The following RLF variants were observed in gnomAD, a reference collection of about 807,000 sequenced individuals.
The protein encoded by RLF is zinc finger protein Rlf.
RLF carries 7 observed loss-of-function variants against 162.9 expected under a neutral mutation model. The ratio of observed to expected loss-of-function variants is 0.04; its 90% CI spans 0.02 to 0.08. The LOEUF (loss-of-function observed/expected upper bound fraction) is 0.08. RLF is among the 10% of genes least tolerant of loss of function. The pLI, the probability that RLF is intolerant of heterozygous loss-of-function variation, is 1.00. For missense variants in RLF, 1,664 were observed against 2,244.7 expected (o/e 0.74, Z 5.23); for synonymous variants, 782 against 791.5 (o/e 0.99, Z 0.20).
In RLF at chr1:40,238,454, G is replaced by T; in HGVS notation, c.3752G>T (p.Cys1251Phe). The change falls in exon 8 of 8, where the codon TGT becomes TTT. Residue 1251 changes from cysteine to phenylalanine, a missense_variant. Physicochemically the swap from Cys to Phe is radical, Grantham distance 205. Transcript: ENST00000372771. The surrounding 1 kb of genome is among the most constrained non-coding windows in gnomAD (Gnocchi z 5.2). ...CACTGTCATCCTAAAAAGGATGAAT[G>T]TAGTTCTGAAACAGATTTGGAATCA... ...KPHCHPKKDE[C>F]SSETDLESSC... 1 of 1,614,124 alleles carries T rather than the reference G, an allele frequency of 6.2e-7. No individual in the cohort carries two copies. The highest frequency in any genetic ancestry group is 8.5e-7 in the Non-Finnish European group (1 of 1,179,994).
chr1:40,173,836 T>G (rs1015387834), intron 1 of RLF, among the ~76,000 whole-genome samples: 2 of 152,220 alleles, frequency 1.3e-5, no homozygotes, highest in Non-Finnish European at 2.9e-5. Context: ...CTTGAGATTT[T>G]AGGTCTCTTT....
intron 5 of RLF, among the ~76,000 whole-genome samples, chr1:40,219,648 A>G (rs1411623186): frequency 2.0e-5 from 3 of 152,238 alleles, no homozygotes; most frequent in East Asian, 1.9e-4. Flanking sequence ...GAAGTAAAAC[A>G]GTCAAGTTAA....
chr1:40,191,363 C>T (rs1406729141), intron 3 of RLF, among the ~76,000 whole-genome samples: 3 of 152,078 alleles, frequency 2.0e-5, no homozygotes, highest in South Asian at 2.1e-4. Flanking sequence ...CATGCCGAAA[C>T]CCTGTCTCTA....
intron 4 of RLF, among the ~76,000 whole-genome samples, chr1:40,201,314 G>C (rs954249200): frequency 6.6e-6 from 1 of 151,632 alleles, no homozygotes; most frequent in African/African-American, 2.4e-5. Flanking sequence ...CATACTTGTT[G>C]GATATTTACT....
At chr1:40,219,399 T>C (rs889982810) in intron 5 of RLF, among the ~76,000 whole-genome samples, 1 of 152,102 alleles carries the variant, frequency 6.6e-6, no homozygotes, top group Non-Finnish European at 1.5e-5. Flanking sequence ...TTCAAGGGAT[T>C]TAGAGTCTAT....
intron 1 of RLF, among the ~76,000 whole-genome samples, chr1:40,180,811 T>C (rs959834441): frequency 6.6e-6 from 1 of 152,200 alleles, no homozygotes; most frequent in African/African-American, 2.4e-5. Flanking sequence ...AGATATAAGA[T>C]TTGCTGTATT....
In RLF at chr1:40,195,790, A is replaced by C. The variant is rs575653007; in HGVS notation, c.607+26A>C. ...GTAAGTCTTAAGACTATATTGGATG[A>C]GGATTTAGTTCTGAGAACGTTGGAA... On this transcript the variant is annotated intron_variant, in intron 4 of 7. Transcript: ENST00000372771. 4 of 1,597,214 alleles carry C rather than the reference A, an allele frequency of 2.5e-6. No homozygotes were observed. In the South Asian group the frequency reaches 4.6e-5, roughly 18 times the overall value.
Position 40,237,680 on chromosome 1 carries a change from T to C in RLF, c.2978T>C (p.Leu993Pro), listed in dbSNP as rs1293822335. The C allele has an allele frequency of 5.6e-6, 9 of 1,614,040 alleles. No homozygotes were observed. In the Admixed American group the frequency reaches 1.2e-4, roughly 21 times the overall value. Residue 993 changes from leucine to proline, a missense_variant, in exon 8 of 8, where the codon CTG becomes CCG. Leu to Pro is a moderately conservative substitution (Grantham distance 98). This residue lies in a region of RLF where 295 missense variants were observed against 317.4 expected (regional missense o/e 0.93). Coordinates refer to ENST00000372771, the MANE Select transcript of RLF (RefSeq NM_012421.4). This position sits in a 1 kb window ranked among gnomAD's most constrained non-coding sequence, Gnocchi z 4.4. ...CCCAAAAAGATAAAGACGAAAGATCTGTTTCCCTCTTTGGGTAATGAACAT... is the reference window on the plus strand; with the variant it reads ...CCCAAAAAGATAAAGACGAAAGATCCGTTTCCCTCTTTGGGTAATGAACAT... ...FKPKKIKTKD[L>P]FPSLGNEHNQ...
At chr1:40,220,222 T>C (rs1357721574) in intron 5 of RLF, among the ~76,000 whole-genome samples, 6 of 152,138 alleles carry the variant, frequency 3.9e-5, no homozygotes, top group Non-Finnish European at 8.8e-5. Flanking sequence ...AGCGAGACTC[T>C]GTCTCAAAAA....
chr1:40,187,058 A>G (rs1642491473), intron 1 of RLF, among the ~76,000 whole-genome samples: 1 of 149,162 alleles, frequency 6.7e-6, no homozygotes, highest in Admixed American at 6.7e-5. Context: ...TTTTTGAGAC[A>G]GTCTTGCTGT....
At chr1:40,201,837 A>G (rs1642723548) in intron 4 of RLF, among the ~76,000 whole-genome samples, 1 of 152,138 alleles carries the variant, frequency 6.6e-6, no homozygotes, top group African/African-American at 2.4e-5. Context: ...AAATCAGTTT[A>G]GGAAACATTG....
intron 5 of RLF, among the ~76,000 whole-genome samples, chr1:40,206,728 C>T (rs1642801180): frequency 6.6e-6 from 1 of 152,184 alleles, no homozygotes; most frequent in Admixed American, 6.5e-5. Flanking sequence ...GCCCACTACT[C>T]TCCAGCCGCC....
Position 40,236,252 on chromosome 1 carries a change from G to A in RLF, c.1550G>A (p.Gly517Asp), listed in dbSNP as rs927678537. 3.7e-6 allele frequency: 6 copies of A among 1,613,620 alleles called. No homozygotes were observed. The highest frequency in any genetic ancestry group is 2.7e-5 in the African/African-American group (2 of 74,852). ...TCATTTCTCAGTGACTATGATGAGGGTAAAGAAGATAAACAATATAGAAGA... is the reference window on the plus strand; with the variant it reads ...TCATTTCTCAGTGACTATGATGAGGATAAAGAAGATAAACAATATAGAAGA... Reference protein sequence around the residue: ...LESFLSDYDEGKEDKQYRRRD... With the variant: ...LESFLSDYDEDKEDKQYRRRD... The change falls in exon 8 of 8, where the codon GGT (glycine) becomes GAT (aspartate). Residue 517 changes from glycine (G) to aspartate (D), a missense_variant. Gly to Asp is a moderately conservative substitution (Grantham distance 94, BLOSUM62 -1). This residue lies in a region of RLF where 54 missense variants were observed against 71.7 expected (regional missense o/e 0.75). Coordinates refer to ENST00000372771, the MANE Select transcript of RLF (RefSeq NM_012421.4). This position sits in a 1 kb window ranked among gnomAD's most constrained non-coding sequence, Gnocchi z 7.7.
intron 5 of RLF, among the ~76,000 whole-genome samples, chr1:40,209,847 G>A (rs1038389227): frequency 1.0e-4 from 15 of 150,550 alleles, no homozygotes; most frequent in Non-Finnish European, 1.9e-4. Context: ...ATTTGCACTC[G>A]AGCTGGGGCG....
At chr1:40,195,989 G>A (rs1642630119) in intron 4 of RLF, among the ~76,000 whole-genome samples, 5 of 151,984 alleles carry the variant, frequency 3.3e-5, no homozygotes, top group Admixed American at 3.3e-4. Context: ...GCATTGAGTA[G>A]CAATGTTCAT....
chr1:40,165,273 T>C (rs531974469), intron 1 of RLF, among the ~76,000 whole-genome samples: 7 of 152,352 alleles, frequency 4.6e-5, no homozygotes, highest in African/African-American at 1.4e-4. Context: ...AGTTCTTTAC[T>C]TGGAGTCAGT....
chr1:40,194,014 A>C (rs1240723891), intron 3 of RLF, among the ~76,000 whole-genome samples: 1 of 152,240 alleles, frequency 6.6e-6, no homozygotes, highest in Non-Finnish European at 1.5e-5. Flanking sequence ...GCTCACCATA[A>C]TCAATAATAC....
chr1:40,189,044 T>A lies in RLF; in HGVS notation c.238-11T>A. On this transcript the variant is annotated splice_polypyrimidine_tract_variant and intron_variant, in intron 1 of 7. Coordinates refer to ENST00000372771, the MANE Select transcript of RLF (RefSeq NM_012421.4). Reference sequence around the variant, plus strand: ...TTTTATTTGTAAATAATTTTTAATTTTATTTTGTAGACCTTATTGCAATAT... The same window carrying A: ...TTTTATTTGTAAATAATTTTTAATTATATTTTGTAGACCTTATTGCAATAT... The A allele has an allele frequency of 6.7e-7, 1 of 1,493,620 alleles. No individual in the cohort carries two copies. Among genetic ancestry groups the A allele is most frequent in the Non-Finnish European group, 9.0e-7 (1 of 1,106,092 alleles). 92.5% of individuals were successfully genotyped at this position (1,493,620 alleles called of 1,614,324 possible).
At chr1:40,205,396 T>G (rs931427907) in intron 5 of RLF, among the ~76,000 whole-genome samples, 2 of 152,160 alleles carry the variant, frequency 1.3e-5, no homozygotes, top group Non-Finnish European at 2.9e-5. Flanking sequence ...TGTTTCTACT[T>G]TTAGCTACTG....
Sources: gnomAD v4.1 joint callset for allele counts (sites outside exome capture counted in the v4.1 genomes callset) on GRCh38, gnomAD v4.1.1 for gene constraint, gnomAD v4.1.1 regional missense constraint, Gnocchi (gnomAD v3.1) non-coding constraint, MANE v1.5 for transcripts, NCBI Gene and HGNC (gene_info 2026-07-23, HGNC 2026-07-21) for gene names.